The following TMEM131L variants were observed in gnomAD, a reference collection of about 807,000 sequenced individuals.
TMEM131L encodes transmembrane 131 like.
Under a neutral mutation model 192.2 loss-of-function variants are expected in TMEM131L, and 54 were observed. That is an observed-to-expected ratio of 0.28 (90% CI 0.23 to 0.35). The LOEUF (loss-of-function observed/expected upper bound fraction) is 0.35. TMEM131L is among the 10% of genes least tolerant of loss of function. The pLI, the probability that TMEM131L is intolerant of heterozygous loss-of-function variation, is 1.00. For synonymous variants in TMEM131L, 701 were observed against 704.9 expected, an observed-to-expected ratio of 0.99 and a Z score of 0.09; for missense variants, 1,888 against 1,972.9, an observed-to-expected ratio of 0.96 and a Z score of 0.82.
chr4:153,484,613 C>T (rs1270358401), intron 3 of TMEM131L, among the ~76,000 whole-genome samples: 7 of 150,092 alleles, frequency 4.7e-5, no homozygotes, highest in African/African-American at 1.7e-4. Flanking sequence ...GGAATACAGG[C>T]GCCCGCCACC....
At chr4:153,558,553 C>G (rs1728637485) in intron 7 of TMEM131L, 185 bp downstream of exon 7, 1 of 407,492 alleles carries the variant, frequency 2.5e-6, no homozygotes, top group Non-Finnish European at 4.5e-6. Context: ...TGTTGATATT[C>G]CAGAGTTTGC....
chr4:153,533,803 G>A (rs569447090), intron 3 of TMEM131L, among the ~76,000 whole-genome samples: 1 of 152,058 alleles, frequency 6.6e-6, no homozygotes. Context: ...AAGTTTCTTA[G>A]TTGTCTTGCC....
At chr4:153,530,634 C>T (rs1371466247) in intron 3 of TMEM131L, among the ~76,000 whole-genome samples, 1 of 152,190 alleles carries the variant, frequency 6.6e-6, no homozygotes, top group African/African-American at 2.4e-5. Context: ...TTCACAAGCA[C>T]ATTTCACTCA....
At chr4:153,491,899 A>G (rs1732812398) in intron 3 of TMEM131L, among the ~76,000 whole-genome samples, 1 of 152,012 alleles carries the variant, frequency 6.6e-6, no homozygotes, top group Admixed American at 6.6e-5. Context: ...TGTAGAGACA[A>G]GGTTTCATGT....
intron 26 of TMEM131L, among the ~76,000 whole-genome samples, chr4:153,618,335 G>A (rs1257013432): frequency 6.6e-6 from 1 of 151,806 alleles, no homozygotes; most frequent in Non-Finnish European, 1.5e-5. Flanking sequence ...AAAATAGCTG[G>A]GCATGGTGGC....
At position 153,635,419 on chromosome 4, in the gene TMEM131L, C is replaced by T. The variant is rs1442036338; in HGVS notation, c.4418-13C>T. ...AATGTTTACCTATGATGATATTCTC[C>T]CATTCTTTGTAGAAAACATGAACTA... On this transcript the variant is annotated splice_polypyrimidine_tract_variant and intron_variant, in intron 33 of 34. Transcript: ENST00000409959. 1 of 1,612,460 alleles carries T rather than the reference C, an allele frequency of 6.2e-7. No homozygotes were observed. Among genetic ancestry groups the T allele is most frequent in the South Asian group, 1.1e-5 (1 of 90,968 alleles).
At chr4:153,585,658 G>GTT (rs771274133) in intron 13 of TMEM131L, 47 bp downstream of exon 13, 1 of 1,407,462 alleles carries the variant, frequency 7.1e-7, no homozygotes, top group East Asian at 2.5e-5. Context: ...TTTAAGCTTT[G>GTT]TTTAAGGTCA....
chr4:153,496,867 T>G (rs28421604), intron 3 of TMEM131L, among the ~76,000 whole-genome samples: 7,990 of 151,716 alleles, frequency 0.053, 341 homozygotes, highest in African/African-American at 0.11. Context: ...AGACTTTTTT[T>G]TTTTTGTTTT....
At chr4:153,510,268 C>T (rs1042990019) in intron 3 of TMEM131L, among the ~76,000 whole-genome samples, 14 of 152,022 alleles carry the variant, frequency 9.2e-5, no homozygotes, top group African/African-American at 2.9e-4. Context: ...CACTTGGAGG[C>T]ACTTGAAGAT....
chr4:153,610,690 G>A (rs1345389659), intron 25 of TMEM131L, among the ~76,000 whole-genome samples: 1 of 152,170 alleles, frequency 6.6e-6, no homozygotes, highest in Non-Finnish European at 1.5e-5. Flanking sequence ...CTTTGAGTGA[G>A]TTTAATTTGT....
chr4:153,508,704 C>T (rs1395549171), intron 3 of TMEM131L, among the ~76,000 whole-genome samples: 3 of 147,678 alleles, frequency 2.0e-5, no homozygotes, highest in African/African-American at 7.5e-5. Flanking sequence ...TTAGCTCGGA[C>T]ACCCAGGCTG....
At chr4:153,633,276 G>A (rs1321549455) in intron 32 of TMEM131L, 4 of 158,722 alleles carry the variant, frequency 2.5e-5, no homozygotes, top group Non-Finnish European at 5.5e-5. Flanking sequence ...GAGCGCAGTG[G>A]TGCAATTATA....
At chr4:153,584,099 TG>T (rs902353718) in intron 11 of TMEM131L, among the ~76,000 whole-genome samples, 1 of 152,258 alleles carries the variant, frequency 6.6e-6, no homozygotes, top group African/African-American at 2.4e-5. Context: ...AAGAAATGTG[TG>T]TTTGTTAGGA....
chr4:153,563,791 G>A (rs144186191), intron 7 of TMEM131L, among the ~76,000 whole-genome samples: 27 of 152,088 alleles, frequency 1.8e-4, no homozygotes, highest in Admixed American at 7.9e-4. Context: ...TGTGTGCAGC[G>A]TTGTGATATA....
chr4:153,533,108 TC>T (rs1736039352), intron 3 of TMEM131L, among the ~76,000 whole-genome samples: 1 of 152,006 alleles, frequency 6.6e-6, no homozygotes, highest in East Asian at 1.9e-4. Flanking sequence ...TGCCTCAGCT[TC>T]CCAAGTAGCT....
chr4:153,536,367 G>T (rs2014511), intron 3 of TMEM131L, among the ~76,000 whole-genome samples: 1 of 152,186 alleles, frequency 6.6e-6, no homozygotes, highest in South Asian at 2.1e-4. Flanking sequence ...AACTCTTCAT[G>T]TATGATTTGC....
intron 9 of TMEM131L, among the ~76,000 whole-genome samples, chr4:153,582,618 T>G (rs780556645): frequency 2.0e-5 from 3 of 151,810 alleles, no homozygotes; most frequent in Non-Finnish European, 4.4e-5. Flanking sequence ...TACCTTTCAG[T>G]CTTCAGAGCT....
In TMEM131L at chr4:153,583,568, T is replaced by G; in HGVS notation, c.956T>G (p.Ile319Arg). The change falls in exon 11 of 35, where the codon ATA becomes AGA. Residue 319 changes from isoleucine (I) to arginine (R), a missense_variant. Physicochemically the swap from Ile to Arg is moderately conservative, Grantham distance 97 (BLOSUM62 -3). Transcript: ENST00000409959. The part of the protein sequence containing the change: ...SGNSLIWIQD[I>R]RHFSQRDALS... ...GGGACTTTTCTTTTATTTCAGGATATACGCCATTTCTCACAGAGAGATGCT... is the reference window on the plus strand; with the variant it reads ...GGGACTTTTCTTTTATTTCAGGATAGACGCCATTTCTCACAGAGAGATGCT... The G allele has an allele frequency of 6.2e-7, 1 of 1,602,340 alleles. No homozygotes were observed. The highest frequency in any genetic ancestry group is 8.5e-7 in the Non-Finnish European group (1 of 1,169,898).
intron 3 of TMEM131L, among the ~76,000 whole-genome samples, chr4:153,517,744 G>T (rs1020946490): frequency 6.6e-6 from 1 of 152,214 alleles, no homozygotes; most frequent in Admixed American, 6.5e-5. Flanking sequence ...CTTGTGTGCA[G>T]TGTCTGTGTA....
Sources: allele counts gnomAD v4.1 joint callset (sites outside exome capture counted in the v4.1 genomes callset), GRCh38; gene constraint gnomAD v4.1.1; transcripts MANE v1.5; gene names NCBI Gene and HGNC (gene_info 2026-07-23, HGNC 2026-07-21).